Variants in MED13L observed in about 807,000 individuals in gnomAD.
MED13L encodes the protein mediator of RNA polymerase II transcription subunit 13-like.
MED13L carries 7 observed loss-of-function variants against 220.9 expected under a neutral mutation model. The observed-to-expected ratio is 0.03, with a 90% CI of 0.02 to 0.06. MED13L has a LOEUF of 0.06. Ranked by LOEUF, MED13L falls within the 10% of genes least tolerant of loss-of-function variation. The pLI, the probability that MED13L is intolerant of heterozygous loss-of-function variation, is 1.00. For synonymous variants in MED13L, 1,011 were observed against 1,015.2 expected (o/e 1.00, Z 0.08); for missense variants, 1,965 against 2,760.5 (o/e 0.71, Z 6.46).
intron 1 of MED13L, among the ~76,000 whole-genome samples, chr12:116,240,117 CT>C (rs200079083): frequency 0.078 from 11,483 of 147,424 alleles, 466 homozygotes; most frequent in South Asian, 0.099. Context: ...TTACAAGTTC[CT>C]TTTTTTTTTT....
intron 2 of MED13L, among the ~76,000 whole-genome samples, chr12:116,204,685 C>T (rs1882204950): frequency 6.6e-6 from 1 of 152,146 alleles, no homozygotes; most frequent in African/African-American, 2.4e-5. Flanking sequence ...CTTTGGTCTA[C>T]CCCTATCTTG....
chr12:116,124,323 A>T (rs1875393396), intron 2 of MED13L, among the ~76,000 whole-genome samples: 1 of 152,190 alleles, frequency 6.6e-6, no homozygotes, highest in Non-Finnish European at 1.5e-5. Flanking sequence ...TATTGCAGAA[A>T]GACTCTTACA....
rs529712639 is a variant in MED13L at position 116,256,495 on chromosome 12, T to G, written c.73-18790A>C. Among the ~76,000 whole-genome samples the G allele has an allele frequency of 2.0e-5, 3 of 152,206 alleles. No homozygotes were observed. The South Asian group carries it at 6.2e-4, about 32-fold the overall frequency. On this transcript the variant is annotated intron_variant, in intron 1 of 30. Coordinates refer to ENST00000281928, the MANE Select transcript of MED13L (RefSeq NM_015335.5). ...AAGGACATGTATGAACTTTTTTGCA[T>G]CATAAAAATGTTCTCTACTTTGATT... is the stretch of plus-strand genomic sequence containing the variant.
At chr12:116,147,975 C>T (rs993567920) in intron 2 of MED13L, among the ~76,000 whole-genome samples, 4 of 138,542 alleles carry the variant, frequency 2.9e-5, no homozygotes, top group Middle Eastern at 4.1e-3. Context: ...TCTCCTGGCC[C>T]GGGAGGCAGG....
intron 20 of MED13L, 112 bp from the exon 21 acceptor site, chr12:115,983,652 C>CT (rs1877491503): frequency 8.6e-7 from 1 of 1,158,078 alleles, no homozygotes; most frequent in Non-Finnish European, 1.3e-6. Flanking sequence ...CTGCAATACT[C>CT]TGATTACAAT....
At chr12:116,148,176 T>C (rs1173214033) in intron 2 of MED13L, among the ~76,000 whole-genome samples, 4 of 150,770 alleles carry the variant, frequency 2.7e-5, no homozygotes, top group African/African-American at 4.9e-5. Context: ...AACATACACA[T>C]ATATACAGAC....
At chr12:116,154,375 T>C (rs1363209209) in intron 2 of MED13L, among the ~76,000 whole-genome samples, 2 of 152,172 alleles carry the variant, frequency 1.3e-5, no homozygotes, top group Non-Finnish European at 2.9e-5. Context: ...CCAAGAGCAA[T>C]TAGTGGCACT....
intron 2 of MED13L, among the ~76,000 whole-genome samples, chr12:116,172,209 T>C (rs1041444016): frequency 1.2e-4 from 18 of 152,198 alleles, no homozygotes; most frequent in African/African-American, 3.6e-4. Flanking sequence ...ACATAACTGC[T>C]TACTTCTAAT....
intron 4 of MED13L, among the ~76,000 whole-genome samples, chr12:116,059,158 C>A (rs1869231062): frequency 6.6e-6 from 1 of 152,150 alleles, no homozygotes; most frequent in Non-Finnish European, 1.5e-5. Flanking sequence ...GCCTCAACTT[C>A]CCAGACTCAA....
rs373550838 is a variant in MED13L, at chr12:115,986,413, C to T, written c.4191G>A (p.Ser1397=). The change falls in exon 19 of 31, where the codon TCG becomes TCA. Residue 1397 remains serine (S), a synonymous_variant. Transcript: ENST00000281928. ...TCTCCCAAAACGGCAAGGAGAATGG[C>T]GAGATGGTGAGGAAATCCTTGTCAT... ...VGYDKDFLTI[S]PFSLPFWERL... is the part of the protein sequence containing the mutation. The T allele has an allele frequency of 8.7e-6, 14 of 1,613,942 alleles. No homozygotes were observed. Among genetic ancestry groups the T allele is most frequent in the African/African-American group, 5.3e-5 (4 of 74,876 alleles).
Position 116,128,816 on chromosome 12 carries a change from G to C in MED13L, c.311-17304C>G, listed in dbSNP as rs368827793. ...TATTGATGTAAGTGCATGTAAACAA[G>C]AATAGGGCATATGTGTTCCATGTTC... On this transcript the variant is annotated intron_variant, in intron 2 of 30. Transcript: ENST00000281928. 1.2e-4 allele frequency among the ~76,000 whole-genome samples: 19 copies of C among 152,152 alleles called. No homozygotes were observed. The East Asian group carries it at 3.1e-3, about 25-fold the overall frequency.
chr12:116,150,734 CTT>C (rs1294022574), intron 2 of MED13L, among the ~76,000 whole-genome samples: 4 of 152,128 alleles, frequency 2.6e-5, no homozygotes, highest in Non-Finnish European at 4.4e-5. Context: ...ATAGTGAAAA[CTT>C]ATTTTTATTT....
intron 1 of MED13L, among the ~76,000 whole-genome samples, chr12:116,268,037 G>A (rs1006052662): frequency 6.6e-6 from 1 of 152,174 alleles, no homozygotes; most frequent in African/African-American, 2.4e-5. Context: ...GACCCAAATG[G>A]TCAATAAGAG....
chr12:116,217,520 C>A (rs1303688861), intron 2 of MED13L, among the ~76,000 whole-genome samples: 5 of 152,060 alleles, frequency 3.3e-5, no homozygotes, highest in African/African-American at 9.7e-5. Context: ...TGACATCTTA[C>A]AAAAGTCAAA....
chr12:116,143,043 G>A (rs1005573252), intron 2 of MED13L, among the ~76,000 whole-genome samples: 18 of 151,972 alleles, frequency 1.2e-4, no homozygotes, highest in Admixed American at 9.2e-4. Context: ...GTTTGCTCTC[G>A]GCCAAATGAC....
chr12:116,186,768 T>C (rs1195795172), intron 2 of MED13L, among the ~76,000 whole-genome samples: 5 of 152,078 alleles, frequency 3.3e-5, no homozygotes, highest in African/African-American at 1.2e-4. Flanking sequence ...CAAAACAGGG[T>C]AGACACAGAA....
chr12:115,983,073 G>C (rs1175480744), intron 21 of MED13L, 44 bp downstream of exon 21: 1 of 1,585,036 alleles, frequency 6.3e-7, no homozygotes, highest in Non-Finnish European at 8.6e-7. Context: ...AAGAGAGAAA[G>C]GGTCTGAGCT....
chr12:116,148,383 GATT>G (rs1877736896), intron 2 of MED13L, among the ~76,000 whole-genome samples: 2 of 151,754 alleles, frequency 1.3e-5, no homozygotes, highest in South Asian at 4.1e-4. Context: ...TTATAAATGG[GATT>G]ATACTTCTCT....
At chr12:116,185,683 C>CTTTTCTTTTCTTTTCTT (rs1880844847) in intron 2 of MED13L, among the ~76,000 whole-genome samples, 1 of 90,708 alleles carries the variant, frequency 1.1e-5, no homozygotes, top group African/African-American at 4.5e-5. Flanking sequence ...CTTTTCTTTT[C>CTTTTCTTTTCTTTTCTT]TTTTCTTTTC....
Sources: allele counts gnomAD v4.1 joint callset (sites outside exome capture counted in the v4.1 genomes callset), GRCh38; gene constraint gnomAD v4.1.1; transcripts MANE v1.5; gene names NCBI Gene and HGNC (gene_info 2026-07-23, HGNC 2026-07-21).